The following RTN4RL1 variants were observed in gnomAD, a reference collection of about 807,000 sequenced individuals.
RTN4RL1 encodes reticulon 4 receptor like 1.
In RTN4RL1, 7 loss-of-function variants were observed where a neutral mutation model predicts 25.6. The ratio of observed to expected loss-of-function variants is 0.27; its 90% CI spans 0.16 to 0.51. RTN4RL1 has a LOEUF of 0.51. Among genes scored for constraint, RTN4RL1 ranks in the 20% least tolerant of loss-of-function variants. The pLI is 0.97. For synonymous variants in RTN4RL1, 297 were observed against 288.2 expected (o/e 1.03, Z -0.31); for missense variants, 500 against 615.6 (o/e 0.81, Z 1.99).
chr17:1,970,047 A>G (rs2066811546), intron 1 of RTN4RL1, among the ~76,000 whole-genome samples: 1 of 140,990 alleles, frequency 7.1e-6, no homozygotes, highest in African/African-American at 2.7e-5. Flanking sequence ...TTTGAGATAG[A>G]GTTTCACTCT....
intron 1 of RTN4RL1, among the ~76,000 whole-genome samples, chr17:1,957,648 G>A (rs1052113923): frequency 5.3e-5 from 8 of 151,312 alleles, no homozygotes; most frequent in African/African-American, 1.7e-4. Flanking sequence ...TGACACCAGC[G>A]TGGCCAACAT....
chr17:1,978,490 C>T (rs2066853094), intron 1 of RTN4RL1, among the ~76,000 whole-genome samples: 1 of 152,274 alleles, frequency 6.6e-6, no homozygotes, highest in African/African-American at 2.4e-5. Flanking sequence ...CCCAGGTGGG[C>T]TCTGCAGCCG....
At chr17:1,978,080 G>A (rs936472229) in intron 1 of RTN4RL1, among the ~76,000 whole-genome samples, 1 of 152,034 alleles carries the variant, frequency 6.6e-6, no homozygotes, top group Non-Finnish European at 1.5e-5. Context: ...CAACCCTCCC[G>A]CGGCCCCGCC....
chr17:1,962,035 GC>G (rs1209678459), intron 1 of RTN4RL1, among the ~76,000 whole-genome samples: 7 of 151,238 alleles, frequency 4.6e-5, no homozygotes, highest in Non-Finnish European at 7.4e-5. Flanking sequence ...TAATCCCAGT[GC>G]TTTGGGAGGC....
Position 1,994,599 on chromosome 17 carries a change from G to A in RTN4RL1, c.13+30254C>T, listed in dbSNP as rs2066922034. ...ACTACCTAACTTCACAGAAGGCAGAGGACAATGAGTCTGAGTGAAGATGCT... is the reference window on the plus strand; with the variant it reads ...ACTACCTAACTTCACAGAAGGCAGAAGACAATGAGTCTGAGTGAAGATGCT... On this transcript the variant is annotated intron_variant, in intron 1 of 1. Coordinates refer to ENST00000331238, the MANE Select transcript of RTN4RL1 (RefSeq NM_178568.4). The surrounding 1 kb of genome is among the most constrained non-coding windows in gnomAD (Gnocchi z 4.3). Among the ~76,000 whole-genome samples the A allele has an allele frequency of 6.6e-6, 1 of 152,186 alleles. No individual in the cohort carries two copies. The highest frequency in any genetic ancestry group is 2.1e-4 in the South Asian group (1 of 4,830).
chr17:1,978,023 C>T (rs1490491359), intron 1 of RTN4RL1, among the ~76,000 whole-genome samples: 1 of 151,948 alleles, frequency 6.6e-6, no homozygotes, highest in Non-Finnish European at 1.5e-5. Context: ...CATCCTGCAC[C>T]CCGCATCTCT....
chr17:1,983,285 A>G (rs2151317049), intron 1 of RTN4RL1, among the ~76,000 whole-genome samples: 1 of 152,092 alleles, frequency 6.6e-6, no homozygotes, highest in East Asian at 1.9e-4. Context: ...GCCTCAAGTG[A>G]TCCACCTGCC....
At chr17:2,015,265 A>T (rs1308744514) in intron 1 of RTN4RL1, among the ~76,000 whole-genome samples, 1 of 152,140 alleles carries the variant, frequency 6.6e-6, no homozygotes, top group East Asian at 1.9e-4. Context: ...ATGGTGCCAG[A>T]TGCCATGATG....
chr17:1,974,110 C>A (rs560637004), intron 1 of RTN4RL1, among the ~76,000 whole-genome samples: 1 of 149,836 alleles, frequency 6.7e-6, no homozygotes, highest in South Asian at 2.1e-4. Context: ...ACTACCACCA[C>A]ACATGGAAAC....
chr17:1,981,743 C>T (rs1447972757), intron 1 of RTN4RL1, among the ~76,000 whole-genome samples: 2 of 152,210 alleles, frequency 1.3e-5, no homozygotes, highest in Non-Finnish European at 2.9e-5. Flanking sequence ...AGCTCTAGAA[C>T]CCACAGTGCA....
At chr17:1,987,914 T>G (rs1448947646) in intron 1 of RTN4RL1, among the ~76,000 whole-genome samples, 1 of 151,398 alleles carries the variant, frequency 6.6e-6, no homozygotes, top group East Asian at 2.0e-4. Context: ...AAGACCATCA[T>G]GGCCAACATG....
At chr17:2,006,318 C>A (rs1433094861) in intron 1 of RTN4RL1, among the ~76,000 whole-genome samples, 1 of 152,002 alleles carries the variant, frequency 6.6e-6, no homozygotes, top group Non-Finnish European at 1.5e-5. Flanking sequence ...CCACCACACC[C>A]AGCTAATTTT....
Position 1,994,206 on chromosome 17 carries a change from G to A in RTN4RL1, c.13+30647C>T, listed in dbSNP as rs987108018. ...CAGGTGGAATTCACAGGCGCTGGGAGCTTGAGGGGGAAGTGATGGGCAAGA... is the reference window on the plus strand; with the variant it reads ...CAGGTGGAATTCACAGGCGCTGGGAACTTGAGGGGGAAGTGATGGGCAAGA... On this transcript the variant is annotated intron_variant, in intron 1 of 1. Transcript: ENST00000331238. The surrounding 1 kb of genome is among the most constrained non-coding windows in gnomAD (Gnocchi z 4.3). Among the ~76,000 whole-genome samples the A allele has an allele frequency of 3.3e-5, 5 of 152,040 alleles. No individual in the cohort carries two copies. Among genetic ancestry groups the A allele is most frequent in the African/African-American group, 9.7e-5 (4 of 41,366 alleles).
At chr17:2,016,107 G>A (rs541718504) in intron 1 of RTN4RL1, among the ~76,000 whole-genome samples, 7 of 152,274 alleles carry the variant, frequency 4.6e-5, no homozygotes, top group Non-Finnish European at 7.4e-5. Context: ...AAGGCCGGGC[G>A]CGGTGGCTCA....
In RTN4RL1 at chr17:1,993,171, C is replaced by T. The variant is rs533237028; in HGVS notation, c.13+31682G>A. Reference sequence around the variant, plus strand: ...GCTGAGGCAGGAGAATCGCTTGAACCTGGGAGGCGGAGGTTGCAGAGAGCT... The same window carrying T: ...GCTGAGGCAGGAGAATCGCTTGAACTTGGGAGGCGGAGGTTGCAGAGAGCT... On this transcript the variant is annotated intron_variant, in intron 1 of 1. Transcript: ENST00000331238. Among the ~76,000 whole-genome samples the T allele has an allele frequency of 7.2e-5, 11 of 152,266 alleles. No individual in the cohort carries two copies. In the East Asian group the frequency reaches 2.1e-3, roughly 29 times the overall value.
At chr17:2,002,144 A>G (rs2066962180) in intron 1 of RTN4RL1, among the ~76,000 whole-genome samples, 1 of 151,920 alleles carries the variant, frequency 6.6e-6, no homozygotes, top group African/African-American at 2.4e-5. Context: ...AGATAGTACG[A>G]GATCTTAGGT....
intron 1 of RTN4RL1, among the ~76,000 whole-genome samples, chr17:2,021,398 C>A (rs1481593173): frequency 2.0e-5 from 3 of 152,130 alleles, no homozygotes; most frequent in Non-Finnish European, 4.4e-5. Context: ...CTCCTTCCCA[C>A]AGGATCTAGG....
rs1343392239 is a variant in RTN4RL1 at position 1,935,085 on chromosome 17, C to T, written c.*1411G>A. The T allele has an allele frequency of 6.6e-6, 1 of 152,604 alleles. No homozygotes were observed. Among genetic ancestry groups the T allele is most frequent in the Non-Finnish European group, 1.5e-5 (1 of 68,168 alleles). 9.5% of individuals were successfully genotyped at this position (152,604 alleles called of 1,614,324 possible). A position where few individuals can be genotyped will look rare whatever the true frequency, so the allele number is the denominator to read the frequency against. ...CACAGGGCCCTTGCTGGGTCACACA[C>T]CAAACAGCCTCAAGGAAAAATTCAG... On this transcript the variant is annotated 3_prime_UTR_variant, in exon 2 of 2. Transcript: ENST00000331238.
chr17:1,978,124 G>T (rs1467449406), intron 1 of RTN4RL1, among the ~76,000 whole-genome samples: 1 of 152,234 alleles, frequency 6.6e-6, no homozygotes, highest in Non-Finnish European at 1.5e-5. Flanking sequence ...AACCGCCATT[G>T]CCTGTGGGGG....
Sources: allele counts gnomAD v4.1 joint callset (sites outside exome capture counted in the v4.1 genomes callset), GRCh38; gene constraint gnomAD v4.1.1; non-coding constraint Gnocchi (gnomAD v3.1); transcripts MANE v1.5; gene names NCBI Gene and HGNC (gene_info 2026-07-23, HGNC 2026-07-21).